PECAM1: variants seen among roughly 807,000 people sequenced by gnomAD.
The protein encoded by PECAM1 is platelet and endothelial cell adhesion molecule 1.
A neutral mutation model predicts 13.8 loss-of-function variants in PECAM1; 8 were observed. The ratio of observed to expected loss-of-function variants is 0.58; its 90% CI spans 0.34 to 1.05. PECAM1 has a LOEUF of 1.05. Ranked by LOEUF, PECAM1 falls within the 50% of genes least tolerant of loss-of-function variation. The probability of loss-of-function intolerance (pLI) is 0.03; values close to 1 mark genes in which losing one functional copy is unlikely to be tolerated. For synonymous variants in PECAM1, 136 were observed against 52.6 expected (o/e 2.58, Z -6.86); for missense variants, 304 against 141.2 (o/e 2.15, Z -5.84).
At chr17:64,382,355 A>G (rs1321296675) in intron 2 of PECAM1, among the ~76,000 whole-genome samples, 1 of 152,108 alleles carries the variant, frequency 6.6e-6, no homozygotes, top group African/African-American at 2.4e-5. Flanking sequence ...AAGCTGTGTG[A>G]CCTTTGGCAA....
chr17:64,378,079 C>CCGG lies in PECAM1; in HGVS notation c.127_129dup (p.Pro43dup). On this transcript the variant is annotated inframe_insertion, in exon 3 of 16. Coordinates refer to ENST00000563924, the MANE Select transcript of PECAM1 (RefSeq NM_000442.5). ...TTCTTCCCATTTTGCACCGTCCAGTCCGGCAGGCTCTTCATGTCAACACTG... is the reference window on the plus strand; with the variant it reads ...TTCTTCCCATTTTGCACCGTCCAGTCCGGCGGCAGGCTCTTCATGTCAACACTG... 1 of 475,268 alleles carries CCGG rather than the reference C, an allele frequency of 2.1e-6. No individual in the cohort carries two copies. The highest frequency in any genetic ancestry group is 3.9e-6 in the Non-Finnish European group (1 of 259,034). The allele number at this position is 475,268 out of a possible 1,614,324, so 29.4% of individuals were successfully genotyped here. A position where few individuals can be genotyped will look rare whatever the true frequency, so the allele number is the denominator to read the frequency against.
chr17:64,326,180 C>T (rs563539215), intron 15 of PECAM1, among the ~76,000 whole-genome samples: 11 of 152,274 alleles, frequency 7.2e-5, no homozygotes, highest in African/African-American at 1.9e-4. Flanking sequence ...CAACAGTGGG[C>T]CCTGAAGAGC....
chr17:64,388,881 T>A (rs2036657460), intron 2 of PECAM1, among the ~76,000 whole-genome samples: 1 of 152,172 alleles, frequency 6.6e-6, no homozygotes, highest in African/African-American at 2.4e-5. Flanking sequence ...TTGGCCAGGC[T>A]GGTTTTGAAC....
intron 14 of PECAM1, among the ~76,000 whole-genome samples, chr17:64,336,441 G>C (rs2143709796): frequency 6.6e-6 from 1 of 152,196 alleles, no homozygotes; most frequent in South Asian, 2.1e-4. Context: ...ACTCCCCCCA[G>C]GCAGAGAGGA....
Position 64,360,338 on chromosome 17 carries a change from C to T in PECAM1, c.1294G>A (p.Glu432Lys), listed in dbSNP as rs943489339. The T allele has an allele frequency of 1.7e-5, 8 of 475,208 alleles. No individual in the cohort carries two copies. The highest frequency in any genetic ancestry group is 1.3e-4 in the South Asian group (2 of 14,876). 29.4% of individuals were successfully genotyped at this position (475,208 alleles called of 1,614,324 possible). Residue 432 changes from glutamate (E) to lysine (K), a missense_variant, in exon 7 of 16, where the codon GAA (glutamate) becomes AAA (lysine). Glu to Lys is a moderately conservative substitution (Grantham distance 56, BLOSUM62 1). Transcript: ENST00000563924. ...IKGQTIEVRCESISGTLPISY... is the reference protein window; with the variant it reads ...IKGQTIEVRCKSISGTLPISY... ...ATAGGCAAAGTTCCACTGATCGATT[C>T]GCAACGGACTTCGATGGTCTGTCCT...
At chr17:64,367,375 C>T (rs1260701469) in intron 5 of PECAM1, among the ~76,000 whole-genome samples, 6 of 151,996 alleles carry the variant, frequency 3.9e-5, no homozygotes, top group Non-Finnish European at 2.9e-5. Context: ...CATGGCGAAA[C>T]CCCGTCTCTA....
At chr17:64,336,617 G>A (rs2035281940) in intron 14 of PECAM1, among the ~76,000 whole-genome samples, 1 of 152,138 alleles carries the variant, frequency 6.6e-6, no homozygotes, top group South Asian at 2.1e-4. Flanking sequence ...GCATTCAGGT[G>A]GCGCACGCCT....
At chr17:64,331,135 G>A (rs2035101393) in intron 14 of PECAM1, among the ~76,000 whole-genome samples, 1 of 151,978 alleles carries the variant, frequency 6.6e-6, no homozygotes, top group Non-Finnish European at 1.5e-5. Flanking sequence ...TAGCAGATCT[G>A]GGCAACTGTT....
chr17:64,376,365 A>G (rs1346243149), intron 3 of PECAM1, among the ~76,000 whole-genome samples: 1 of 152,092 alleles, frequency 6.6e-6, no homozygotes, highest in African/African-American at 2.4e-5. Context: ...TATGGTCAAG[A>G]TGTACTTGGT....
At chr17:64,352,974 A>G (rs1346887684) in intron 10 of PECAM1, among the ~76,000 whole-genome samples, 2 of 152,072 alleles carry the variant, frequency 1.3e-5, no homozygotes, top group African/African-American at 4.8e-5. Flanking sequence ...TCCTATTAAA[A>G]TAAACATCAG....
intron 6 of PECAM1, among the ~76,000 whole-genome samples, chr17:64,361,753 C>A (rs879136312): frequency 2.5e-3 from 168 of 68,076 alleles, no homozygotes; most frequent in African/African-American, 7.7e-3. Context: ...AACTCCATCT[C>A]AAAAAAAAAA....
intron 12 of PECAM1, among the ~76,000 whole-genome samples, chr17:64,349,006 C>A (rs1197836290): frequency 5.9e-5 from 9 of 152,240 alleles, no homozygotes; most frequent in African/African-American, 2.2e-4. Context: ...CCCAGCAGTT[C>A]TCCCAATTCA....
chr17:64,372,528 T>C lies in PECAM1; in HGVS notation c.692-2503A>G, dbSNP rs1033228840. Among the ~76,000 whole-genome samples, 929 of 152,214 alleles carry C rather than the reference T, an allele frequency of 6.1e-3. 7 individuals are homozygous for C. The highest frequency in any genetic ancestry group is 0.021 in the African/African-American group (889 of 41,574). On this transcript the variant is annotated intron_variant, in intron 4 of 15. Transcript: ENST00000563924. ...TGAAGTTTTTGTTGTTGTTTTGAGA[T>C]GGAGTCTCACTCAGTCACCCAGGCT...
intron 6 of PECAM1, among the ~76,000 whole-genome samples, chr17:64,360,884 T>C (rs1268474320): frequency 6.8e-6 from 1 of 147,152 alleles, no homozygotes; most frequent in Non-Finnish European, 1.5e-5. Flanking sequence ...CAGGCTGGAG[T>C]GCACTGGTGC....
intron 8 of PECAM1, 25 bp from the exon 9 acceptor site, chr17:64,355,065 T>A (rs969264689): frequency 8.5e-6 from 4 of 471,990 alleles, no homozygotes; most frequent in African/African-American, 2.0e-5. Context: ...AAACAAAAAA[T>A]TTTTTTTGTA....
At position 64,361,753 on chromosome 17, in the gene PECAM1, CAA is replaced by C. The variant is rs61144320; in HGVS notation, c.1217-1340_1217-1339del. Among the ~76,000 whole-genome samples the C allele has an allele frequency of 7.1e-3, 481 of 68,122 alleles. 4 individuals are homozygous for C. Among genetic ancestry groups the C allele is most frequent in the African/African-American group, 0.027 (427 of 15,580 alleles). The allele number at this position is 68,122 out of a possible 152,430, so 44.7% of individuals were successfully genotyped here. On this transcript the variant is annotated intron_variant, in intron 6 of 15. Coordinates refer to ENST00000563924, the MANE Select transcript of PECAM1 (RefSeq NM_000442.5). ...GGGTAACAAGAGCAAAACTCCATCT[CAA>C]AAAAAAAAAAAAAAAAAAAAGATAA...
At position 64,367,567 on chromosome 17, in the gene PECAM1, A is replaced by T. The variant is rs928439917; in HGVS notation, c.967+2183T>A. On this transcript the variant is annotated intron_variant, in intron 5 of 15. Coordinates refer to ENST00000563924, the MANE Select transcript of PECAM1 (RefSeq NM_000442.5). ...CTCCATCTCAAAAAAAAAAAAAAAA[A>T]GAAAAGAAAAAAGACACTGAACCTA... 1.6e-4 allele frequency among the ~76,000 whole-genome samples: 24 copies of T among 146,454 alleles called. No homozygotes were observed. The East Asian group carries it at 4.7e-3, about 29-fold the overall frequency.
At chr17:64,326,633 G>GCT (rs1187060173) in intron 15 of PECAM1, among the ~76,000 whole-genome samples, 1 of 152,100 alleles carries the variant, frequency 6.6e-6, no homozygotes, top group Non-Finnish European at 1.5e-5. Context: ...AGACACCTCC[G>GCT]CTCTCTCTCT....
At chr17:64,363,107 T>C (rs1218675849) in intron 6 of PECAM1, 42 bp downstream of exon 6, 2 of 475,112 alleles carry the variant, frequency 4.2e-6, no homozygotes, top group Non-Finnish European at 7.7e-6. Context: ...CTTTCTCCCA[T>C]TCAACCCTGG....
Sources: gnomAD v4.1 joint callset for allele counts (sites outside exome capture counted in the v4.1 genomes callset) on GRCh38, gnomAD v4.1.1 for gene constraint, MANE v1.5 for transcripts, NCBI Gene and HGNC (gene_info 2026-07-23, HGNC 2026-07-21) for gene names.